Variants in GRHL3 observed in about 807,000 individuals in gnomAD.
GRHL3 encodes the protein grainyhead like transcription factor 3.
Under a neutral mutation model 70.3 loss-of-function variants are expected in GRHL3, and 20 were observed. The observed-to-expected ratio is 0.28, with a 90% CI of 0.20 to 0.41. The LOEUF is 0.41. Among genes scored for constraint, GRHL3 ranks in the 10% least tolerant of loss-of-function variants. The probability of loss-of-function intolerance (pLI) is 1.00; values close to 1 mark genes in which losing one functional copy is unlikely to be tolerated. For missense variants in GRHL3, 637 were observed against 762.3 expected (o/e 0.84, Z 1.94); for synonymous variants, 299 against 299.9 (o/e 1.00, Z 0.03).
Position 24,360,877 on chromosome 1 carries a change from G to A in GRHL3, c.1695-3308G>A, listed in dbSNP as rs766695337. On this transcript the variant is annotated intron_variant, in intron 15 of 15. Transcript: ENST00000350501. ...TGGGCCAGGCAGGCCTGGCTGAGGC[G>A]GCGCCGCTGTCCACCGGCTGGTATT... The A allele has an allele frequency of 2.0e-5, 33 of 1,613,168 alleles. No homozygotes were observed. The highest frequency in any genetic ancestry group is 2.7e-5 in the Non-Finnish European group (32 of 1,179,680).
chr1:24,328,806 G>A (rs144052426), intron 1 of GRHL3, among the ~76,000 whole-genome samples: 23 of 152,284 alleles, frequency 1.5e-4, no homozygotes, highest in African/African-American at 5.1e-4. Flanking sequence ...GTGCTGATGC[G>A]TTATCCTCAT....
chr1:24,350,381 G>A lies in GRHL3; in HGVS notation c.1694+259G>A, dbSNP rs539181601. 2.6e-5 allele frequency among the ~76,000 whole-genome samples: 4 copies of A among 152,298 alleles called. No individual in the cohort carries two copies. The East Asian group carries it at 5.8e-4, about 22-fold the overall frequency. ...TGGAGGGAGAAGTGGAGGGTCATGTGTCAGAAGACCCAGGTTCAAGGCCAC... is the reference window on the plus strand; with the variant it reads ...TGGAGGGAGAAGTGGAGGGTCATGTATCAGAAGACCCAGGTTCAAGGCCAC... On this transcript the variant is annotated intron_variant, in intron 15 of 15. Transcript: ENST00000361548.
At chr1:24,346,922 CT>C (rs1306900917) in intron 13 of GRHL3, among the ~76,000 whole-genome samples, 11 of 152,262 alleles carry the variant, frequency 7.2e-5, no homozygotes, top group Middle Eastern at 3.4e-3. Flanking sequence ...CGAGTCCCCC[CT>C]CTCCCACTTT....
chr1:24,321,585 G>A lies in GRHL3; in HGVS notation c.17+2017G>A, dbSNP rs1162306262. On this transcript the variant is annotated intron_variant, in intron 1 of 15. Transcript: ENST00000361548. The surrounding 1 kb of genome is among the most constrained non-coding windows in gnomAD (Gnocchi z 4.0). Reference sequence around the variant, plus strand: ...GGACTTGCCTGTCACTCTAAATTCTGCCACTTACCAACAGCAGGATCCTGG... The same window carrying A: ...GGACTTGCCTGTCACTCTAAATTCTACCACTTACCAACAGCAGGATCCTGG... The A allele has an allele frequency of 6.6e-6, 1 of 152,296 alleles. No individual in the cohort carries two copies. Among genetic ancestry groups the A allele is most frequent in the South Asian group, 2.1e-4 (1 of 4,832 alleles). 9.4% of individuals were successfully genotyped at this position (152,296 alleles called of 1,614,324 possible). A position where few individuals can be genotyped will look rare whatever the true frequency, so the allele number is the denominator to read the frequency against.
chr1:24,336,621 G>A lies in GRHL3; in HGVS notation c.406G>A (p.Glu136Lys), dbSNP rs376281609. 6.2e-6 allele frequency: 10 copies of A among 1,614,040 alleles called. No homozygotes were observed. The African/African-American group carries it at 1.3e-4, about 22-fold the overall frequency. Residue 136 changes from glutamate (E) to lysine (K), a missense_variant, in exon 4 of 16, where the codon GAG becomes AAG. Coordinates refer to ENST00000361548, the MANE Select transcript of GRHL3 (RefSeq NM_198173.3). ...LLKKNNLMSL[E>K]GALPTPGKAA... ...CAAGAAGAATAACCTGATGAGCTTG[G>A]AGGGGGCCTTGCCCACCCCTGGCAA...
rs1002799866 is a variant in GRHL3 at position 24,322,560 on chromosome 1, C to T, written c.17+2992C>T. Among the ~76,000 whole-genome samples the T allele has an allele frequency of 6.6e-6, 1 of 152,236 alleles. No homozygotes were observed. The highest frequency in any genetic ancestry group is 6.5e-5 in the Admixed American group (1 of 15,284). Reference sequence around the variant, plus strand: ...GGGCTGTAAAACTGGCGGACTGGGCCGAGAGGCTTGAGCCAACCCTAACGG... The same window carrying T: ...GGGCTGTAAAACTGGCGGACTGGGCTGAGAGGCTTGAGCCAACCCTAACGG... On this transcript the variant is annotated intron_variant, in intron 1 of 15. Coordinates refer to ENST00000361548, the MANE Select transcript of GRHL3 (RefSeq NM_198173.3). The surrounding 1 kb of genome is among the most constrained non-coding windows in gnomAD (Gnocchi z 4.4).
At chr1:24,329,933 G>T (rs1179607104) in intron 1 of GRHL3, among the ~76,000 whole-genome samples, 1 of 152,168 alleles carries the variant, frequency 6.6e-6, no homozygotes, top group East Asian at 1.9e-4. Context: ...GCAATAACCA[G>T]TGATTCTTCA....
At chr1:24,323,108 C>G (rs1285613988) in intron 1 of GRHL3, 3 of 1,538,694 alleles carry the variant, frequency 1.9e-6, no homozygotes, top group Non-Finnish European at 2.6e-6. Flanking sequence ...TCCATTCTTC[C>G]TATTTTTCTG....
At chr1:24,343,308 AT>A (rs529345193) in intron 11 of GRHL3, 188 of 388,186 alleles carry the variant, frequency 4.8e-4, no homozygotes, top group African/African-American at 3.4e-3. Flanking sequence ...CCCAAATTTG[AT>A]TGCAGCCCCA....
intron 11 of GRHL3, among the ~76,000 whole-genome samples, chr1:24,344,482 C>A (rs935725685): frequency 4.1e-5 from 5 of 121,388 alleles, no homozygotes; most frequent in East Asian, 2.1e-4. Flanking sequence ...CTCTTTCCCC[C>A]CAGAAAAAAA....
chr1:24,347,236 G>A lies in GRHL3; in HGVS notation c.1544-232G>A, dbSNP rs141949349. ...TCAGGCTCCGTGATGTTAAAATCAC[G>A]TTTGCAAGGTCACCTGGCTGGCAGG... On this transcript the variant is annotated intron_variant, in intron 13 of 15. Coordinates refer to ENST00000361548, the MANE Select transcript of GRHL3 (RefSeq NM_198173.3). 2.6e-5 allele frequency among the ~76,000 whole-genome samples: 4 copies of A among 152,310 alleles called. No homozygotes were observed. In the East Asian group the frequency reaches 5.8e-4, roughly 22 times the overall value.
chr1:24,352,304 T>C (rs1235355020), intron 15 of GRHL3, among the ~76,000 whole-genome samples: 1 of 152,180 alleles, frequency 6.6e-6, no homozygotes. Context: ...GAAAGTCCTC[T>C]GGATGAAGGT....
At chr1:24,360,376 G>C (rs763915908) in intron 15 of GRHL3, among the ~76,000 whole-genome samples, 1 of 152,210 alleles carries the variant, frequency 6.6e-6, no homozygotes, top group Non-Finnish European at 1.5e-5. Context: ...CTGAACCTGG[G>C]AGGCGGAAGT....
At chr1:24,339,958 T>C (rs540636707) in intron 8 of GRHL3, among the ~76,000 whole-genome samples, 196 bp downstream of exon 8, 1 of 152,340 alleles carries the variant, frequency 6.6e-6, no homozygotes, top group South Asian at 2.1e-4. Flanking sequence ...CCCTTCCACC[T>C]ATTGGTCCAA....
chr1:24,357,094 T>C (rs1640766953), downstream of GRHL3: 1 of 142,974 alleles, frequency 7.0e-6, no homozygotes, highest in Admixed American at 6.9e-5. Flanking sequence ...CATCACAGTT[T>C]TAAAGACAGG....
chr1:24,331,567 T>A lies in GRHL3; in HGVS notation c.159T>A (p.Asp53Glu), dbSNP rs754709945. Residue 53 changes from aspartate to glutamate, a missense_variant, in exon 2 of 16, where the codon GAT (aspartate) becomes GAA (glutamate). By Grantham distance (45) the Asp-to-Glu change is conservative. Around this residue, in one of 2 missense-constraint regions of GRHL3, gnomAD observed 250 missense variants for 248.6 expected, o/e 1.01. Coordinates refer to ENST00000361548, the MANE Select transcript of GRHL3 (RefSeq NM_198173.3). ...ATKAMMRVNG[D>E]DDSVAALSFL... ...AGGCCATGATGAGAGTCAATGGAGATGATGACAGTGTTGCGGCCTTGAGCT... is the reference window on the plus strand; with the variant it reads ...AGGCCATGATGAGAGTCAATGGAGAAGATGACAGTGTTGCGGCCTTGAGCT... 19 of 1,613,968 alleles carry A rather than the reference T, an allele frequency of 1.2e-5. No individual in the cohort carries two copies. The East Asian group carries it at 4.0e-4, about 34-fold the overall frequency.
At chr1:24,362,558 A>G (rs1378018062) in intron 15 of GRHL3, among the ~76,000 whole-genome samples, 1 of 152,250 alleles carries the variant, frequency 6.6e-6, no homozygotes, top group Non-Finnish European at 1.5e-5. Flanking sequence ...GAGAAAAGGT[A>G]TGTAAAGCAC....
intron 8 of GRHL3, among the ~76,000 whole-genome samples, chr1:24,340,498 G>A (rs12410231): frequency 2.0e-5 from 3 of 152,072 alleles, no homozygotes; most frequent in African/African-American, 7.2e-5. Context: ...TGCCATGTGC[G>A]CATGGGCCTC....
In GRHL3 at chr1:24,334,904, A is replaced by G. The variant is rs1209826788; in HGVS notation, c.266+198A>G. ...ATCAATATAATCCAACTTGGATTAT[A>G]TTCATCTTTATACCATTGTACTTAC... On this transcript the variant is annotated intron_variant, in intron 3 of 15. Transcript: ENST00000361548. The surrounding 1 kb of genome is among the most constrained non-coding windows in gnomAD (Gnocchi z 4.3). Among the ~76,000 whole-genome samples the G allele has an allele frequency of 6.6e-6, 1 of 152,170 alleles. No homozygotes were observed. The highest frequency in any genetic ancestry group is 2.4e-5 in the African/African-American group (1 of 41,436).
Sources: allele counts gnomAD v4.1 joint callset (sites outside exome capture counted in the v4.1 genomes callset), GRCh38; gene constraint gnomAD v4.1.1; regional missense constraint gnomAD v4.1.1; non-coding constraint Gnocchi (gnomAD v3.1); transcripts MANE v1.5; gene names NCBI Gene and HGNC (gene_info 2026-07-23, HGNC 2026-07-21).